Variants in BPIFC observed in about 807,000 individuals in gnomAD.
The protein encoded by BPIFC is BPI fold-containing family C protein.
Under a neutral mutation model 57.6 loss-of-function variants are expected in BPIFC, and 60 were observed. That is an observed-to-expected ratio of 1.04 (90% CI 0.85 to 1.29). BPIFC has a LOEUF of 1.29. Among genes scored for constraint, BPIFC ranks in the 50% most tolerant of loss-of-function variants. The probability of loss-of-function intolerance (pLI) is 0.00; values close to 1 mark genes in which losing one functional copy is unlikely to be tolerated. For missense variants in BPIFC, 581 were observed against 600.5 expected (o/e 0.97, Z 0.34); for synonymous variants, 243 against 224.5 (o/e 1.08, Z -0.74).
chr22:32,424,886 A>G (rs1197808402), intron 13 of BPIFC, among the ~76,000 whole-genome samples: 2 of 150,068 alleles, frequency 1.3e-5, no homozygotes, highest in African/African-American at 4.9e-5. Flanking sequence ...CATTCAAGCG[A>G]TTCTCCTGCC....
At chr22:32,462,168 C>CAAAAAAAAAAAAATAAAAAAATA (rs1935174799) in intron 1 of BPIFC, among the ~76,000 whole-genome samples, 1 of 53,600 alleles carries the variant, frequency 1.9e-5, no homozygotes, top group African/African-American at 6.9e-5. Context: ...GACTCCATCT[C>CAAAAAAAAAAAAATAAAAAAATA]AAAAAAAAAA....
chr22:32,435,092 TA>T (rs1367831394), intron 10 of BPIFC, among the ~76,000 whole-genome samples: 2 of 152,218 alleles, frequency 1.3e-5, no homozygotes, highest in Non-Finnish European at 2.9e-5. Flanking sequence ...AATGCCCATA[TA>T]AACTCTATGA....
Position 32,464,419 on chromosome 22 carries a change from C to T in BPIFC, c.-134G>A. On this transcript the variant is annotated 5_prime_UTR_variant, in exon 1 of 17. Coordinates refer to ENST00000300399, the MANE Select transcript of BPIFC (RefSeq NM_174932.3). ...AAAGCTGGAGAGCACCTTCGATTCT[C>T]TCTGCCTTTGAAGCTGATGTGTTCT... The T allele has an allele frequency of 2.0e-6, 2 of 985,380 alleles. No homozygotes were observed. Among genetic ancestry groups the T allele is most frequent in the Non-Finnish European group, 2.4e-6 (2 of 829,930 alleles). 61.0% of individuals were successfully genotyped at this position (985,380 alleles called of 1,614,324 possible). A position where few individuals can be genotyped will look rare whatever the true frequency, so the allele number is the denominator to read the frequency against.
At chr22:32,439,691 T>G (rs920546137) in intron 8 of BPIFC, among the ~76,000 whole-genome samples, 1 of 152,154 alleles carries the variant, frequency 6.6e-6, no homozygotes, top group East Asian at 1.9e-4. Context: ...CTTGGCTCAT[T>G]GCAACCTCTG....
intron 8 of BPIFC, among the ~76,000 whole-genome samples, chr22:32,441,579 G>A (rs531366356): frequency 9.2e-5 from 14 of 152,246 alleles, no homozygotes; most frequent in African/African-American, 1.4e-4. Context: ...ATAACTTTAC[G>A]GAGTGGGGGC....
intron 11 of BPIFC, among the ~76,000 whole-genome samples, chr22:32,433,121 T>G (rs184059494): frequency 6.6e-6 from 1 of 152,324 alleles, no homozygotes; most frequent in East Asian, 1.9e-4. Flanking sequence ...GAGGATCACT[T>G]GAGCAGGGGA....
intron 10 of BPIFC, among the ~76,000 whole-genome samples, chr22:32,434,620 T>TA (rs1934341967): frequency 6.6e-6 from 1 of 152,068 alleles, no homozygotes; most frequent in African/African-American, 2.4e-5. Context: ...AGCCTTGTGT[T>TA]ACTGTCCTCA....
chr22:32,448,049 G>A (rs1353369622), intron 4 of BPIFC, among the ~76,000 whole-genome samples: 2 of 151,220 alleles, frequency 1.3e-5, no homozygotes, highest in African/African-American at 4.9e-5. Flanking sequence ...TATTTTGCAC[G>A]GCCCAGCTAT....
Position 32,414,380 on chromosome 22 carries a change from T to G in BPIFC, c.1447A>C (p.Lys483Gln), listed in dbSNP as rs1187921632. The change falls in exon 17 of 17, where the codon AAG (lysine) becomes CAG (glutamine). Residue 483 changes from lysine (K) to glutamine (Q), a missense_variant. By Grantham distance (53) the Lys-to-Gln change is moderately conservative (BLOSUM62 1). Coordinates refer to ENST00000300399, the MANE Select transcript of BPIFC (RefSeq NM_174932.3). ...CATACGTGGAAACTTGGCTGCTGCT[T>G]TGAGGATGTTTCATACTTCAGGTCG... ...STDLKYETSS[K>Q]QQPSFHVWEG... The G allele has an allele frequency of 6.2e-7, 1 of 1,613,972 alleles. No individual in the cohort carries two copies. The highest frequency in any genetic ancestry group is 1.3e-5 in the African/African-American group (1 of 74,924).
intron 8 of BPIFC, among the ~76,000 whole-genome samples, chr22:32,442,298 T>C (rs529364458): frequency 2.2e-4 from 34 of 152,146 alleles, no homozygotes; most frequent in Non-Finnish European, 3.7e-4. Flanking sequence ...GTGCGAGGAC[T>C]TGATGCTCAG....
At chr22:32,460,557 C>T (rs1446536844) in intron 2 of BPIFC, among the ~76,000 whole-genome samples, 4 of 152,170 alleles carry the variant, frequency 2.6e-5, no homozygotes. Flanking sequence ...CTCTATACCC[C>T]ACCATCCAGC....
At chr22:32,449,677 G>A (rs978056595) in intron 4 of BPIFC, among the ~76,000 whole-genome samples, 12 of 151,726 alleles carry the variant, frequency 7.9e-5, no homozygotes, top group African/African-American at 2.9e-4. Context: ...TAGCACTTCT[G>A]TATTATATAC....
In BPIFC at chr22:32,428,071, C is replaced by T. The variant is rs146596601; in HGVS notation, c.1217+3276G>A. On this transcript the variant is annotated intron_variant, in intron 13 of 16. Transcript: ENST00000300399. Reference sequence around the variant, plus strand: ...GGTTCAGAGTTTCATCAGCCTGATTCCCTGGAAATGGGGTCACCTCATGAC... The same window carrying T: ...GGTTCAGAGTTTCATCAGCCTGATTTCCTGGAAATGGGGTCACCTCATGAC... 3.3e-3 allele frequency among the ~76,000 whole-genome samples: 499 copies of T among 152,136 alleles called. 1 individual carries two copies. Among genetic ancestry groups the T allele is most frequent in the Non-Finnish European group, 5.6e-3 (380 of 68,008 alleles).
intron 4 of BPIFC, among the ~76,000 whole-genome samples, chr22:32,449,862 G>A (rs1159500752): frequency 6.6e-6 from 1 of 151,950 alleles, no homozygotes; most frequent in Non-Finnish European, 1.5e-5. Flanking sequence ...AGCCTCTGGA[G>A]TAGCTGGGAC....
Position 32,414,386 on chromosome 22 carries a change from A to T in BPIFC, c.1441T>A (p.Ser481Thr). The part of the protein sequence containing the change: ...LISTDLKYET[S>T]SKQQPSFHVW... ...TGGAAACTTGGCTGCTGCTTTGAGGATGTTTCATACTTCAGGTCGGTGGAA... is the reference window on the plus strand; with the variant it reads ...TGGAAACTTGGCTGCTGCTTTGAGGTTGTTTCATACTTCAGGTCGGTGGAA... Residue 481 changes from serine (S) to threonine (T), a missense_variant, in exon 17 of 17, where the codon TCC (serine) becomes ACC (threonine). Physicochemically the swap from Ser to Thr is moderately conservative, Grantham distance 58. Coordinates refer to ENST00000300399, the MANE Select transcript of BPIFC (RefSeq NM_174932.3). The T allele has an allele frequency of 6.2e-7, 1 of 1,614,030 alleles. No homozygotes were observed. Among genetic ancestry groups the T allele is most frequent in the East Asian group, 2.2e-5 (1 of 44,880 alleles).
At chr22:32,436,358 G>GGAA (rs1569451458) in intron 9 of BPIFC, among the ~76,000 whole-genome samples, 57 of 104,844 alleles carry the variant, frequency 5.4e-4, no homozygotes, top group African/African-American at 8.3e-4. Flanking sequence ...AGGAGGAGGA[G>GGAA]GAGGAGGAGG....
At chr22:32,438,044 A>AT in intron 8 of BPIFC, among the ~76,000 whole-genome samples, 193 bp from the exon 9 acceptor site, 1 of 152,170 alleles carries the variant, frequency 6.6e-6, no homozygotes, top group African/African-American at 2.4e-5. Context: ...GAAAGTGAAC[A>AT]TTTTTTCCAA....
chr22:32,429,063 C>T (rs75996161), intron 13 of BPIFC, among the ~76,000 whole-genome samples: 3,603 of 152,110 alleles, frequency 0.024, 132 homozygotes, highest in African/African-American at 0.077. Flanking sequence ...TTTCCTCTTC[C>T]GGATGCAAAG....
At chr22:32,461,840 G>A (rs913110023) in intron 1 of BPIFC, among the ~76,000 whole-genome samples, 179 bp from the exon 2 acceptor site, 7 of 152,182 alleles carry the variant, frequency 4.6e-5, no homozygotes, top group Non-Finnish European at 7.3e-5. Context: ...AAATGGATGT[G>A]TTATGCCAAG....
Sources: allele counts gnomAD v4.1 joint callset (sites outside exome capture counted in the v4.1 genomes callset), GRCh38; gene constraint gnomAD v4.1.1; transcripts MANE v1.5; gene names NCBI Gene and HGNC (gene_info 2026-07-23, HGNC 2026-07-21).